Variants in KDM4B observed in about 807,000 individuals in gnomAD.
The protein encoded by KDM4B is lysine demethylase 4B.
Under a neutral mutation model 125.2 loss-of-function variants are expected in KDM4B, and 32 were observed. That is an observed-to-expected ratio of 0.26 (90% CI 0.19 to 0.34). The LOEUF is 0.34. Ranked by LOEUF, KDM4B falls within the 10% of genes least tolerant of loss-of-function variation. KDM4B has a pLI of 1.00. For synonymous variants in KDM4B, 721 were observed against 677.9 expected, an observed-to-expected ratio of 1.06 and a Z score of -0.99; for missense variants, 1,190 against 1,577.7, an observed-to-expected ratio of 0.75 and a Z score of 4.16.
rs1310616779 is a variant in KDM4B at position 5,077,405 on chromosome 19, C to T, written c.715C>T (p.Leu239=). The T allele has an allele frequency of 6.2e-7, 1 of 1,613,320 alleles. No individual in the cohort carries two copies. The highest frequency in any genetic ancestry group is 2.2e-5 in the East Asian group (1 of 44,886). The change falls in exon 8 of 23, where the codon CTG becomes TTG. Residue 239 remains leucine, a synonymous_variant. Transcript: ENST00000159111. The part of the protein sequence containing the change: ...PGSSQGCDAF[L]RHKMTLISPI... ...GAGCTCGCAGGGCTGCGACGCCTTC[C>T]TGCGGCATAAGATGACCCTCATCTC...
In KDM4B at chr19:5,142,150, C is replaced by T. The variant is rs1002204498; in HGVS notation, c.2551-1817C>T. On this transcript the variant is annotated intron_variant, in intron 18 of 22. Transcript: ENST00000159111. This position sits in a 1 kb window ranked among gnomAD's most constrained non-coding sequence, Gnocchi z 5.4. ...GCCCACCCGCGTCGTCCTCACAGCC[C>T]TGTGGCCTCCGAGGAAGGACACCGA... Among the ~76,000 whole-genome samples, 2 of 152,182 alleles carry T rather than the reference C, an allele frequency of 1.3e-5. No individual in the cohort carries two copies. Among genetic ancestry groups the T allele is most frequent in the Non-Finnish European group, 2.9e-5 (2 of 68,016 alleles).
chr19:5,141,851 G>A lies in KDM4B; in HGVS notation c.2551-2116G>A, dbSNP rs1007217962. Among the ~76,000 whole-genome samples, 12 of 152,224 alleles carry A rather than the reference G, an allele frequency of 7.9e-5. No homozygotes were observed. The highest frequency in any genetic ancestry group is 2.7e-4 in the African/African-American group (11 of 41,464). Reference sequence around the variant, plus strand: ...CTGGAGGATCTGGGAGGTCTGGGAGGGGCTTGGGATGGGGGGAGGCGCCTC... The same window carrying A: ...CTGGAGGATCTGGGAGGTCTGGGAGAGGCTTGGGATGGGGGGAGGCGCCTC... On this transcript the variant is annotated intron_variant, in intron 18 of 22. Coordinates refer to ENST00000159111, the MANE Select transcript of KDM4B (RefSeq NM_015015.3). This position sits in a 1 kb window ranked among gnomAD's most constrained non-coding sequence, Gnocchi z 6.4.
chr19:5,012,368 C>T (rs1273426745), intron 1 of KDM4B, among the ~76,000 whole-genome samples: 3 of 152,240 alleles, frequency 2.0e-5, no homozygotes, highest in African/African-American at 7.2e-5. Context: ...TTGATTAACA[C>T]GTTGTTAATG....
At chr19:4,999,700 C>T (rs575536737) in intron 1 of KDM4B, among the ~76,000 whole-genome samples, 6 of 151,572 alleles carry the variant, frequency 4.0e-5, no homozygotes, top group Admixed American at 2.6e-4. Context: ...CATTTACTCA[C>T]CTATCCATCT....
At chr19:5,004,756 T>C (rs1279624070) in intron 1 of KDM4B, among the ~76,000 whole-genome samples, 2 of 152,108 alleles carry the variant, frequency 1.3e-5, no homozygotes, top group African/African-American at 4.8e-5. Flanking sequence ...TGGTCACAGG[T>C]GGGCAGTACC....
rs368377983 is a variant in KDM4B at position 5,002,453 on chromosome 19, CTCCTT to C, written c.-108-13783_-108-13779del. On this transcript the variant is annotated intron_variant, in intron 1 of 22. Coordinates refer to ENST00000159111, the MANE Select transcript of KDM4B (RefSeq NM_015015.3). ...TCTCTACTTTCTCTCCCCTTTCTCT[CTCCTT>C]TCCTTTCCTTTCCTTTCCTTCTTTC... Among the ~76,000 whole-genome samples, 1,417 of 150,880 alleles carry C rather than the reference CTCCTT, an allele frequency of 9.4e-3. 7 individuals are homozygous for C. The highest frequency in any genetic ancestry group is 0.054 in the Middle Eastern group (16 of 294).
chr19:5,008,196 G>A (rs1030814852), intron 1 of KDM4B, among the ~76,000 whole-genome samples: 1 of 152,228 alleles, frequency 6.6e-6, no homozygotes, highest in Non-Finnish European at 1.5e-5. Flanking sequence ...AATATATGGT[G>A]TGAGGTAAGG....
chr19:5,131,401 C>T lies in KDM4B; in HGVS notation c.1641C>T (p.Cys547=), dbSNP rs1358863950. The T allele has an allele frequency of 6.2e-7, 1 of 1,611,590 alleles. No homozygotes were observed. The highest frequency in any genetic ancestry group is 1.3e-5 in the African/African-American group (1 of 74,650). The change falls in exon 12 of 23, where the codon TGC becomes TGT. Residue 547 remains cysteine, a synonymous_variant. Transcript: ENST00000159111. ...CCTTCAACCAGGAGCACGTGTCCTG[C>T]CAGCAGGCCTTTGAGCACTTTGCCC... ...KAAFNQEHVS[C]QQAFEHFAQK...
chr19:5,089,766 A>AGT (rs2038628699), intron 9 of KDM4B, among the ~76,000 whole-genome samples: 1 of 151,344 alleles, frequency 6.6e-6, no homozygotes, highest in Admixed American at 6.6e-5. Context: ...GGGAGGGAAG[A>AGT]GTGGGGTCCG....
intron 6 of KDM4B, among the ~76,000 whole-genome samples, chr19:5,060,585 A>G (rs1488786715): frequency 6.6e-6 from 1 of 152,046 alleles, no homozygotes; most frequent in East Asian, 1.9e-4. Context: ...ATAAACGGCA[A>G]GGGGTCCCCA....
At chr19:5,107,459 A>G (rs1312827505) in intron 9 of KDM4B, among the ~76,000 whole-genome samples, 1 of 152,166 alleles carries the variant, frequency 6.6e-6, no homozygotes, top group Admixed American at 6.5e-5. Flanking sequence ...CCCGTGTCCC[A>G]GAGAGTGGGG....
chr19:5,104,090 G>C (rs1186151799), intron 9 of KDM4B, among the ~76,000 whole-genome samples: 1 of 152,202 alleles, frequency 6.6e-6, no homozygotes. Context: ...GCTGCTGGGT[G>C]GGTGGCAGGG....
At chr19:5,009,352 A>G (rs1017686129) in intron 1 of KDM4B, among the ~76,000 whole-genome samples, 4 of 152,210 alleles carry the variant, frequency 2.6e-5, no homozygotes, top group African/African-American at 9.6e-5. Flanking sequence ...GACAAATGTC[A>G]GCTTTTCAGT....
chr19:5,147,084 C>T (rs992691278), intron 21 of KDM4B, among the ~76,000 whole-genome samples: 3 of 151,588 alleles, frequency 2.0e-5, no homozygotes, highest in East Asian at 1.9e-4. Flanking sequence ...CCAGGCAGGT[C>T]GGACTGGACT....
intron 18 of KDM4B, among the ~76,000 whole-genome samples, chr19:5,143,312 C>A (rs1449635755): frequency 8.4e-6 from 1 of 119,024 alleles, no homozygotes; most frequent in Non-Finnish European, 1.7e-5. Context: ...ACAGAGCACC[C>A]AGGCTCAAAA....
At chr19:4,987,118 CT>C (rs1385360377) in intron 1 of KDM4B, among the ~76,000 whole-genome samples, 3 of 152,218 alleles carry the variant, frequency 2.0e-5, no homozygotes, top group African/African-American at 7.2e-5. Context: ...GCCACTACGC[CT>C]GGCTAATTTT....
At chr19:5,124,577 CA>C (rs2146034107) in intron 11 of KDM4B, among the ~76,000 whole-genome samples, 1 of 152,288 alleles carries the variant, frequency 6.6e-6, no homozygotes, top group South Asian at 2.1e-4. Flanking sequence ...AACTGGCTAG[CA>C]AAGGACTGTG....
In KDM4B at chr19:5,082,256, C is replaced by A. The variant is rs944732006; in HGVS notation, c.781-111C>A. ...TGGATCACCTTTGACTTTGTGAAAC[C>A]CCCTTGGCTCATAAGCCAGGCTCCC... On this transcript the variant is annotated intron_variant, in intron 8 of 22. Transcript: ENST00000159111. The surrounding 1 kb of genome is among the most constrained non-coding windows in gnomAD (Gnocchi z 5.4). The A allele has an allele frequency of 5.3e-6, 7 of 1,324,312 alleles. No homozygotes were observed. The highest frequency in any genetic ancestry group is 2.1e-5 in the Admixed American group (1 of 47,100). 82.0% of individuals were successfully genotyped at this position (1,324,312 alleles called of 1,614,324 possible). A position where few individuals can be genotyped will look rare whatever the true frequency, so the allele number is the denominator to read the frequency against.
At chr19:5,095,403 T>C (rs1451467040) in intron 9 of KDM4B, among the ~76,000 whole-genome samples, 1 of 152,266 alleles carries the variant, frequency 6.6e-6, no homozygotes, top group Non-Finnish European at 1.5e-5. Flanking sequence ...TAGTATCTGT[T>C]CAGGCTTTTA....
Sources: gnomAD v4.1 joint callset for allele counts (sites outside exome capture counted in the v4.1 genomes callset) on GRCh38, gnomAD v4.1.1 for gene constraint, Gnocchi (gnomAD v3.1) non-coding constraint, MANE v1.5 for transcripts, NCBI Gene and HGNC (gene_info 2026-07-23, HGNC 2026-07-21) for gene names.